PTGER4: variants seen among roughly 807,000 people sequenced by gnomAD.
The protein encoded by PTGER4 is prostaglandin E receptor 4, also known as prostaglandin E2 receptor EP4 subtype.
A neutral mutation model predicts 33.2 loss-of-function variants in PTGER4; 11 were observed. The ratio of observed to expected loss-of-function variants is 0.33; its 90% CI spans 0.21 to 0.55. The LOEUF (loss-of-function observed/expected upper bound fraction) is 0.55. Ranked by LOEUF, PTGER4 falls within the 20% of genes least tolerant of loss-of-function variation. The pLI is 0.92. For synonymous variants in PTGER4, 275 were observed against 281.5 expected (o/e 0.98, Z 0.23); for missense variants, 481 against 650.2 (o/e 0.74, Z 2.83).
chr5:40,696,832 C>A, downstream of PTGER4: 1 of 576,260 alleles, frequency 1.7e-6, no homozygotes, highest in Non-Finnish European at 2.2e-6. Context: ...AAAAGAATTC[C>A]AAGAACAATG....
the PTGER4 span, among the ~76,000 whole-genome samples, chr5:40,738,444 AAATACAATACAATACAATACAATAC>A: frequency 9.6e-5 from 8 of 83,664 alleles, no homozygotes; most frequent in South Asian, 4.5e-4. Context: ...ATATAAAATA[AAATACAATACAATACAATACAATAC>A]AATACAATAC....
chr5:40,694,641 A>C (rs371686504), downstream of PTGER4, among the ~76,000 whole-genome samples: 5 of 150,424 alleles, frequency 3.3e-5, no homozygotes, highest in East Asian at 9.7e-4. Flanking sequence ...TAAGGACACT[A>C]GTCATACTGG....
chr5:40,716,275 T>C, the PTGER4 span: 2 of 1,614,102 alleles, frequency 1.2e-6, no homozygotes, highest in African/African-American at 2.7e-5. Flanking sequence ...CTTCTCTTTC[T>C]CAGCAATAGC....
chr5:40,711,550 A>G, the PTGER4 span, among the ~76,000 whole-genome samples: 1 of 152,240 alleles, frequency 6.6e-6, no homozygotes, highest in South Asian at 2.1e-4. Context: ...CATAAGAGAA[A>G]TGAACACATA....
chr5:40,730,706 T>C, the PTGER4 span, among the ~76,000 whole-genome samples: 2 of 152,154 alleles, frequency 1.3e-5, no homozygotes, highest in African/African-American at 4.8e-5. Flanking sequence ...TTCTAGTCCA[T>C]GAAATATATG....
At chr5:40,703,289 A>C in the PTGER4 span, among the ~76,000 whole-genome samples, 6 of 152,154 alleles carry the variant, frequency 3.9e-5, no homozygotes, top group Non-Finnish European at 7.3e-5. Flanking sequence ...AATAAACACA[A>C]TTAGAAATGA....
At chr5:40,698,058 T>C (rs529701894), downstream of PTGER4, among the ~76,000 whole-genome samples, 4 of 121,664 alleles carry the variant, frequency 3.3e-5, no homozygotes, top group Non-Finnish European at 6.3e-5. Context: ...GTTCAAGACC[T>C]GTCTGGGCAA....
intron 2 of PTGER4, among the ~76,000 whole-genome samples, chr5:40,684,537 G>A (rs1342234423): frequency 6.6e-6 from 1 of 152,174 alleles, no homozygotes; most frequent in Non-Finnish European, 1.5e-5. Flanking sequence ...AGCTCTTAGA[G>A]GGGGGTTGGT....
the PTGER4 span, among the ~76,000 whole-genome samples, chr5:40,734,563 G>A: frequency 6.6e-6 from 1 of 152,212 alleles, no homozygotes; most frequent in Non-Finnish European, 1.5e-5. Context: ...TGGTGATCAA[G>A]CTAAATAAGT....
downstream of PTGER4, among the ~76,000 whole-genome samples, chr5:40,697,292 A>G (rs1741634143): frequency 2.1e-5 from 3 of 145,160 alleles, no homozygotes; most frequent in South Asian, 6.8e-4. Context: ...GAAAGAAAGA[A>G]AGAAAAAGAA....
Position 40,681,034 on chromosome 5 carries a change from C to T in PTGER4, c.41C>T (p.Pro14Leu). ...GTCAATTCGTCCGCCTCCTTGAGCC[C>T]CGACCGGCTGAACAGCCCAGTGACC... ...PGVNSSASLS[P>L]DRLNSPVTIP... The change falls in exon 2 of 3, where the codon CCC (proline) becomes CTC (leucine). Residue 14 changes from proline to leucine, a missense_variant. Pro to Leu is a moderately conservative substitution (Grantham distance 98, BLOSUM62 -3). This residue lies in a region of PTGER4 where 26 missense variants were observed against 21.0 expected (regional missense o/e 1.24). Coordinates refer to ENST00000302472, the MANE Select transcript of PTGER4 (RefSeq NM_000958.3). This position sits in a 1 kb window ranked among gnomAD's most constrained non-coding sequence, Gnocchi z 9.8. The T allele has an allele frequency of 6.2e-7, 1 of 1,613,914 alleles. No homozygotes were observed. Among genetic ancestry groups the T allele is most frequent in the Non-Finnish European group, 8.5e-7 (1 of 1,179,962 alleles).
the PTGER4 span, among the ~76,000 whole-genome samples, chr5:40,744,961 G>A: frequency 6.6e-6 from 1 of 151,948 alleles, no homozygotes; most frequent in African/African-American, 2.4e-5. Flanking sequence ...ACATATACTT[G>A]CCAAAAATAT....
At chr5:40,729,002 G>A in the PTGER4 span, among the ~76,000 whole-genome samples, 2 of 152,146 alleles carry the variant, frequency 1.3e-5, no homozygotes, top group Non-Finnish European at 2.9e-5. Flanking sequence ...GAGAGTTAGG[G>A]TTACCAGAGA....
Position 40,681,982 on chromosome 5 carries a change from G to C in PTGER4, c.867+122G>C. 1 of 1,268,474 alleles carries C rather than the reference G, an allele frequency of 7.9e-7. No homozygotes were observed. Among genetic ancestry groups the C allele is most frequent in the Non-Finnish European group, 1.0e-6 (1 of 954,060 alleles). 78.6% of individuals were successfully genotyped at this position (1,268,474 alleles called of 1,614,324 possible). A position where few individuals can be genotyped will look rare whatever the true frequency, so the allele number is the denominator to read the frequency against. ...GTGAACGTGTCGCCTTTAGGTCGGG[G>C]CTGGGATTCCCACACTGTTTCTCAG... On this transcript the variant is annotated intron_variant, in intron 2 of 2. Transcript: ENST00000302472. The surrounding 1 kb of genome is among the most constrained non-coding windows in gnomAD (Gnocchi z 9.8).
At chr5:40,717,019 A>C in the PTGER4 span, among the ~76,000 whole-genome samples, 1 of 152,122 alleles carries the variant, frequency 6.6e-6, no homozygotes, top group South Asian at 2.1e-4. Flanking sequence ...ACCTGAGGTC[A>C]GGAGTTCAAG....
chr5:40,725,632 T>C, the PTGER4 span, among the ~76,000 whole-genome samples: 5 of 152,266 alleles, frequency 3.3e-5, no homozygotes, highest in South Asian at 6.2e-4. Flanking sequence ...AGAAGAATCC[T>C]TCCTGATACT....
the PTGER4 span, among the ~76,000 whole-genome samples, chr5:40,739,039 T>C: frequency 6.6e-6 from 1 of 152,142 alleles, no homozygotes; most frequent in African/African-American, 2.4e-5. Flanking sequence ...AAACCAGAAG[T>C]TTTCATTTGT....
At chr5:40,727,826 AT>A in the PTGER4 span, among the ~76,000 whole-genome samples, 1 of 152,182 alleles carries the variant, frequency 6.6e-6, no homozygotes, top group Admixed American at 6.5e-5. Context: ...TAACTGAAAA[AT>A]ATTCTGATCA....
the PTGER4 span, among the ~76,000 whole-genome samples, chr5:40,734,025 T>G: frequency 4.9e-4 from 75 of 152,328 alleles, no homozygotes; most frequent in African/African-American, 1.7e-3. Flanking sequence ...AGCAGAGGCA[T>G]CCCTCAATGA....
Sources: gnomAD v4.1 joint callset for allele counts (sites outside exome capture counted in the v4.1 genomes callset) on GRCh38, gnomAD v4.1.1 for gene constraint, gnomAD v4.1.1 regional missense constraint, Gnocchi (gnomAD v3.1) non-coding constraint, MANE v1.5 for transcripts, NCBI Gene and HGNC (gene_info 2026-07-23, HGNC 2026-07-21) for gene names.